Variants in PGF observed in about 807,000 individuals in gnomAD.
The protein encoded by PGF is placental growth factor.
PGF carries 11 observed loss-of-function variants against 25.3 expected under a neutral mutation model. The ratio of observed to expected loss-of-function variants is 0.43; its 90% CI spans 0.27 to 0.72. PGF has a LOEUF of 0.72. PGF is among the 30% of genes least tolerant of loss of function. The probability of loss-of-function intolerance (pLI) is 0.18; values close to 1 mark genes in which losing one functional copy is unlikely to be tolerated. For synonymous variants in PGF, 105 were observed against 97.9 expected, an observed-to-expected ratio of 1.07 and a Z score of -0.43; for missense variants, 230 against 234.9, an observed-to-expected ratio of 0.98 and a Z score of 0.14.
At chr14:74,944,264 G>T (rs61759400) in intron 6 of PGF, among the ~76,000 whole-genome samples, 4 of 151,610 alleles carry the variant, frequency 2.6e-5, no homozygotes, top group African/African-American at 9.7e-5. Context: ...CACCACACCC[G>T]GCTAATTTTT....
chr14:74,946,655 C>T (rs1055827740), intron 4 of PGF: 1 of 645,860 alleles, frequency 1.5e-6, no homozygotes, highest in Non-Finnish European at 2.8e-6. Flanking sequence ...ACCCCTGCCA[C>T]CCGCTTCTGC....
At position 74,952,428 on chromosome 14, in the gene PGF, C is replaced by A. The variant is rs559981656; in HGVS notation, c.118+1476G>T. On this transcript the variant is annotated intron_variant, in intron 2 of 6. Transcript: ENST00000555567. ...GAGGAGTGTCTGAGGCTTGGGGCGA[C>A]CCCCAGGGCCTCTCTGAGCCTCAGG... Among the ~76,000 whole-genome samples, 3 of 152,352 alleles carry A rather than the reference C, an allele frequency of 2.0e-5. No individual in the cohort carries two copies. In the East Asian group the frequency reaches 5.8e-4, roughly 29 times the overall value.
chr14:74,948,733 A>G lies in PGF; in HGVS notation c.316-150T>C. 5.9e-6 allele frequency: 3 copies of G among 512,766 alleles called. No homozygotes were observed. The Admixed American group carries it at 1.1e-4, about 19-fold the overall frequency. The allele number at this position is 512,766 out of a possible 1,614,324, so 31.8% of individuals were successfully genotyped here. The stretch of plus-strand genomic sequence containing the variant: ...ACTCCACTCTGAACGTGGGGCAAAC[A>G]GCTCTCTCAGCTGCATGGGGATCTG... On this transcript the variant is annotated intron_variant, in intron 3 of 6. Coordinates refer to ENST00000555567, the MANE Select transcript of PGF (RefSeq NM_002632.6).
Position 74,955,182 on chromosome 14 carries a change from C to T in PGF, c.61G>A (p.Ala21Thr), listed in dbSNP as rs764734526. The change falls in exon 1 of 7, where the codon GCT becomes ACT. Residue 21 changes from alanine to threonine, a missense_variant. Coordinates refer to ENST00000555567, the MANE Select transcript of PGF (RefSeq NM_002632.6). This position sits in a 1 kb window ranked among gnomAD's most constrained non-coding sequence, Gnocchi z 4.1. ...GTAGCTCTTACCTGGGGGGGCACAGCAGGCAGCGCCAGCCCGGCCAGGAGC... is the reference window on the plus strand; with the variant it reads ...GTAGCTCTTACCTGGGGGGGCACAGTAGGCAGCGCCAGCCCGGCCAGGAGC... ...LQLLAGLALP[A>T]VPPQQWALSA... is the part of the protein sequence containing the mutation. The T allele has an allele frequency of 8.0e-5, 119 of 1,480,658 alleles. No individual in the cohort carries two copies. The highest frequency in any genetic ancestry group is 1.1e-4 in the Non-Finnish European group (117 of 1,107,014). The allele number at this position is 1,480,658 out of a possible 1,614,324, so 91.7% of individuals were successfully genotyped here. A position where few individuals can be genotyped will look rare whatever the true frequency, so the allele number is the denominator to read the frequency against.
intron 1 of PGF, among the ~76,000 whole-genome samples, chr14:74,954,847 A>G (rs979518561): frequency 1.3e-5 from 2 of 151,978 alleles, no homozygotes; most frequent in African/African-American, 2.4e-5. Context: ...CCCTGACCAC[A>G]AGGCCAGGGA....
rs527820499 is a variant in PGF, at chr14:74,947,409, G to A, written c.393-1001C>T. 4 of 153,756 alleles carry A rather than the reference G, an allele frequency of 2.6e-5. No homozygotes were observed. In the South Asian group the frequency reaches 8.3e-4, roughly 32 times the overall value. The allele number at this position is 153,756 out of a possible 1,614,324, so 9.5% of individuals were successfully genotyped here. On this transcript the variant is annotated intron_variant, in intron 4 of 6. Coordinates refer to ENST00000555567, the MANE Select transcript of PGF (RefSeq NM_002632.6). ...AAAGGGGCAGCCATAGCCCTGCCCAGGAGGCAAGGCTAAGCCTGGGGGCTA... is the reference window on the plus strand; with the variant it reads ...AAAGGGGCAGCCATAGCCCTGCCCAAGAGGCAAGGCTAAGCCTGGGGGCTA...
Position 74,941,869 on chromosome 14 carries a change from G to A in PGF, c.*837C>T, listed in dbSNP as rs1167014294. On this transcript the variant is annotated 3_prime_UTR_variant, in exon 7 of 7. Transcript: ENST00000555567. Reference sequence around the variant, plus strand: ...AGAATACTTTATTCAAGAGAATCTGGCTTGGCAGTCAGATGGCCCTGCAGG... The same window carrying A: ...AGAATACTTTATTCAAGAGAATCTGACTTGGCAGTCAGATGGCCCTGCAGG... 6.6e-6 allele frequency: 1 copy of A among 152,574 alleles called. No individual in the cohort carries two copies. Among genetic ancestry groups the A allele is most frequent in the Non-Finnish European group, 1.5e-5 (1 of 68,044 alleles). The allele number at this position is 152,574 out of a possible 1,614,324, so 9.5% of individuals were successfully genotyped here.
chr14:74,952,013 G>A (rs1438095364), intron 2 of PGF, among the ~76,000 whole-genome samples: 1 of 152,128 alleles, frequency 6.6e-6, no homozygotes, highest in Non-Finnish European at 1.5e-5. Flanking sequence ...CCGGGAGGGG[G>A]TGGAGGTGAG....
rs1161346906 is a variant in PGF, at chr14:74,950,092, C to T, written c.119-539G>A. Among the ~76,000 whole-genome samples, 2 of 152,182 alleles carry T rather than the reference C, an allele frequency of 1.3e-5. No individual in the cohort carries two copies. The highest frequency in any genetic ancestry group is 4.8e-5 in the African/African-American group (2 of 41,440). On this transcript the variant is annotated intron_variant, in intron 2 of 6. Transcript: ENST00000555567. This position sits in a 1 kb window ranked among gnomAD's most constrained non-coding sequence, Gnocchi z 4.1. ...GACCCTCCTCTCCACTGAGTCCAAC[C>T]AGCGCTCACACTGAGCCACGGCAGC... is the stretch of plus-strand genomic sequence containing the variant.
intron 4 of PGF, 85 bp downstream of exon 4, chr14:74,948,422 G>T: frequency 1.3e-6 from 1 of 769,262 alleles, no homozygotes; most frequent in Non-Finnish European, 2.1e-6. Flanking sequence ...GGCAGCCTTT[G>T]CCTCTGCCCT....
At position 74,953,935 on chromosome 14, in the gene PGF, C is replaced by A; in HGVS notation, c.87G>T (p.Leu29Phe). Residue 29 changes from leucine (L) to phenylalanine (F), a missense_variant, in exon 2 of 7, where the codon TTG becomes TTT. By Grantham distance (22) the Leu-to-Phe change is conservative. Coordinates refer to ENST00000555567, the MANE Select transcript of PGF (RefSeq NM_002632.6). The surrounding 1 kb of genome is among the most constrained non-coding windows in gnomAD (Gnocchi z 5.4). ...CCTCTGACGAGCCGTTCCCAGCAGACAAGGCCCACTGCTATGGACAGAAAA... is the reference window on the plus strand; with the variant it reads ...CCTCTGACGAGCCGTTCCCAGCAGAAAAGGCCCACTGCTATGGACAGAAAA... The part of the protein sequence containing the change: ...LPAVPPQQWA[L>F]SAGNGSSEVE... 6.2e-7 allele frequency: 1 copy of A among 1,614,010 alleles called. No homozygotes were observed. Among genetic ancestry groups the A allele is most frequent in the Non-Finnish European group, 8.5e-7 (1 of 1,180,002 alleles).
Position 74,955,113 on chromosome 14 carries a change from C to A in PGF, c.75+55G>T, listed in dbSNP as rs1888956158. On this transcript the variant is annotated intron_variant, in intron 1 of 6. Transcript: ENST00000555567. This position sits in a 1 kb window ranked among gnomAD's most constrained non-coding sequence, Gnocchi z 4.1. ...TCTGTGATTTCAGAGTCCCATGCTT[C>A]CAGTGCTGGGATGGGGAGGTCTGGG... is the stretch of plus-strand genomic sequence containing the variant. 4.0e-6 allele frequency: 4 copies of A among 996,072 alleles called. No homozygotes were observed. The South Asian group carries it at 8.4e-5, about 21-fold the overall frequency. 61.7% of individuals were successfully genotyped at this position (996,072 alleles called of 1,614,324 possible). A position where few individuals can be genotyped will look rare whatever the true frequency, so the allele number is the denominator to read the frequency against.
At chr14:74,947,552 T>C (rs1888768562) in intron 4 of PGF, 1 of 152,228 alleles carries the variant, frequency 6.6e-6, no homozygotes, top group Admixed American at 6.5e-5. Flanking sequence ...TGAAACTGTA[T>C]TGAGCCTTGA....
rs1234411603 is a variant in PGF at position 74,946,133 on chromosome 14, C to T, written c.485+80G>A. On this transcript the variant is annotated intron_variant, in intron 6 of 6. Coordinates refer to ENST00000555567, the MANE Select transcript of PGF (RefSeq NM_002632.6). Reference sequence around the variant, plus strand: ...TGGCCTCAGTCCTGCCTCTCCCCCTCCCCAACCTAACCCTGGCGGCAAGGC... The same window carrying T: ...TGGCCTCAGTCCTGCCTCTCCCCCTTCCCAACCTAACCCTGGCGGCAAGGC... The T allele has an allele frequency of 5.1e-6, 7 of 1,361,608 alleles. No homozygotes were observed. The South Asian group carries it at 5.9e-5, about 11-fold the overall frequency. The allele number at this position is 1,361,608 out of a possible 1,614,324, so 84.3% of individuals were successfully genotyped here. A position where few individuals can be genotyped will look rare whatever the true frequency, so the allele number is the denominator to read the frequency against.
chr14:74,955,550 G>T lies in PGF; in HGVS notation c.-308C>A. On this transcript the variant is annotated 5_prime_UTR_variant, in exon 1 of 7. Transcript: ENST00000555567. This position sits in a 1 kb window ranked among gnomAD's most constrained non-coding sequence, Gnocchi z 4.1. ...CCACTCCAGGTCCTCCCGTAGCTGG[G>T]CGGCCGTCCGTCGATGCAGTTTCCT... is the stretch of plus-strand genomic sequence containing the variant. The T allele has an allele frequency of 3.2e-6, 1 of 308,604 alleles. No individual in the cohort carries two copies. 19.1% of individuals were successfully genotyped at this position (308,604 alleles called of 1,614,324 possible). A position where few individuals can be genotyped will look rare whatever the true frequency, so the allele number is the denominator to read the frequency against.
intron 2 of PGF, among the ~76,000 whole-genome samples, chr14:74,949,944 C>G (rs1265586008): frequency 6.6e-6 from 1 of 152,166 alleles, no homozygotes. Context: ...TGGAGTCATG[C>G]AGGGAGGGTT....
In PGF at chr14:74,946,375, T is replaced by C. The variant is rs772978877; in HGVS notation, c.422+4A>G. ...TAGCCCCGAGCCCCAGCCAAACCAC[T>C]TACCTTTCCGGCTTCATCTTCTCCC... On this transcript the variant is annotated splice_donor_region_variant and intron_variant, in intron 5 of 6. Coordinates refer to ENST00000555567, the MANE Select transcript of PGF (RefSeq NM_002632.6). 5.7e-5 allele frequency: 92 copies of C among 1,612,696 alleles called. No homozygotes were observed. Among genetic ancestry groups the C allele is most frequent in the African/African-American group, 1.3e-5 (1 of 74,908 alleles).
chr14:74,955,175 G>T lies in PGF; in HGVS notation c.68C>A (p.Pro23His). 1.4e-6 allele frequency: 2 copies of T among 1,473,658 alleles called. No individual in the cohort carries two copies. The highest frequency in any genetic ancestry group is 1.4e-5 in the African/African-American group (1 of 69,692). 91.3% of individuals were successfully genotyped at this position (1,473,658 alleles called of 1,614,324 possible). A position where few individuals can be genotyped will look rare whatever the true frequency, so the allele number is the denominator to read the frequency against. ...LLAGLALPAV[P>H]PQQWALSAGN... ...GGTGGGGGTAGCTCTTACCTGGGGG[G>T]GCACAGCAGGCAGCGCCAGCCCGGC... Residue 23 changes from proline to histidine, a missense_variant, in exon 1 of 7, where the codon CCC (proline) becomes CAC (histidine). By Grantham distance (77) the Pro-to-His change is moderately conservative. Coordinates refer to ENST00000555567, the MANE Select transcript of PGF (RefSeq NM_002632.6). The surrounding 1 kb of genome is among the most constrained non-coding windows in gnomAD (Gnocchi z 4.1).
rs540444718 is a variant in PGF, at chr14:74,950,867, G to A, written c.119-1314C>T. ...TGCATCTGATGGTCATCCTCAGCTAGTGGGGAAGAATGGGGAGCTGGGGGT... is the reference window on the plus strand; with the variant it reads ...TGCATCTGATGGTCATCCTCAGCTAATGGGGAAGAATGGGGAGCTGGGGGT... On this transcript the variant is annotated intron_variant, in intron 2 of 6. Coordinates refer to ENST00000555567, the MANE Select transcript of PGF (RefSeq NM_002632.6). This position sits in a 1 kb window ranked among gnomAD's most constrained non-coding sequence, Gnocchi z 4.1. Among the ~76,000 whole-genome samples the A allele has an allele frequency of 2.0e-5, 3 of 152,334 alleles. No homozygotes were observed. Among genetic ancestry groups the A allele is most frequent in the African/African-American group, 7.2e-5 (3 of 41,570 alleles).
Sources: gnomAD v4.1 joint callset for allele counts (sites outside exome capture counted in the v4.1 genomes callset) on GRCh38, gnomAD v4.1.1 for gene constraint, Gnocchi (gnomAD v3.1) non-coding constraint, MANE v1.5 for transcripts, NCBI Gene and HGNC (gene_info 2026-07-23, HGNC 2026-07-21) for gene names.